Variants in NKAIN2 observed in about 807,000 individuals in gnomAD.
NKAIN2 encodes sodium/potassium-transporting ATPase subunit beta-1-interacting protein 2.
In NKAIN2, 14 loss-of-function variants were observed where a neutral mutation model predicts 32.6. The observed-to-expected ratio is 0.43, with a 90% CI of 0.28 to 0.67. NKAIN2 has a LOEUF of 0.67. NKAIN2 is among the 30% of genes least tolerant of loss of function. The probability of loss-of-function intolerance (pLI) is 0.17; values close to 1 mark genes in which losing one functional copy is unlikely to be tolerated. For missense variants in NKAIN2, 198 were observed against 258.3 expected (o/e 0.77, Z 1.60); for synonymous variants, 80 against 87.2 (o/e 0.92, Z 0.46).
intron 1 of NKAIN2, among the ~76,000 whole-genome samples, chr6:124,112,344 G>T (rs760959378): frequency 5.9e-5 from 9 of 152,088 alleles, no homozygotes; most frequent in Non-Finnish European, 1.0e-4. Context: ...ATTATTTGAT[G>T]ACAGTTTTAT....
chr6:124,736,974 G>A (rs1288800292), intron 4 of NKAIN2, among the ~76,000 whole-genome samples: 2 of 151,848 alleles, frequency 1.3e-5, no homozygotes, highest in African/African-American at 4.8e-5. Flanking sequence ...AAGGAGTTAG[G>A]CAAAGTAAAT....
intron 3 of NKAIN2, among the ~76,000 whole-genome samples, chr6:124,361,827 G>A (rs912583814): frequency 6.6e-6 from 1 of 152,024 alleles, no homozygotes; most frequent in Non-Finnish European, 1.5e-5. Context: ...CCAGATGCAA[G>A]TGCAATGTGG....
intron 3 of NKAIN2, among the ~76,000 whole-genome samples, chr6:124,545,383 C>T (rs1347140553): frequency 6.6e-6 from 1 of 152,052 alleles, no homozygotes; most frequent in East Asian, 1.9e-4. Flanking sequence ...TAAAGACAAG[C>T]CATAGATCAA....
intron 4 of NKAIN2, among the ~76,000 whole-genome samples, chr6:124,684,595 A>G (rs1773774150): frequency 6.6e-6 from 1 of 152,208 alleles, no homozygotes; most frequent in African/African-American, 2.4e-5. Flanking sequence ...ATAAAAACCC[A>G]TTAAAATCTG....
intron 3 of NKAIN2, among the ~76,000 whole-genome samples, chr6:124,569,507 C>A (rs920909699): frequency 6.6e-6 from 1 of 152,076 alleles, no homozygotes; most frequent in Non-Finnish European, 1.5e-5. Flanking sequence ...TGGGAGGGAC[C>A]CAGCGGGAGG....
chr6:124,699,302 C>T (rs1774651956), intron 4 of NKAIN2, among the ~76,000 whole-genome samples: 1 of 152,128 alleles, frequency 6.6e-6, no homozygotes, highest in African/African-American at 2.4e-5. Flanking sequence ...CCTGATGGCC[C>T]TGCCATATAC....
Position 124,346,401 on chromosome 6 carries a change from G to A in NKAIN2, c.193-8866G>A, listed in dbSNP as rs180883662. 2.2e-3 allele frequency among the ~76,000 whole-genome samples: 335 copies of A among 152,220 alleles called. 1 individual carries two copies. The highest frequency in any genetic ancestry group is 4.6e-3 in the African/African-American group (191 of 41,534). On this transcript the variant is annotated intron_variant, in intron 2 of 6. Coordinates refer to ENST00000368417, the MANE Select transcript of NKAIN2 (RefSeq NM_001040214.3). ...TCCTGGGTATCCCTGTCAACTTTCC[G>A]TCTCATTGATCTGTCTAATGTTGAC...
intron 5 of NKAIN2, among the ~76,000 whole-genome samples, chr6:124,796,669 T>C (rs1397051931): frequency 6.6e-6 from 1 of 152,158 alleles, no homozygotes; most frequent in Non-Finnish European, 1.5e-5. Context: ...GAGTAGCTTC[T>C]CACCAGGATA....
intron 1 of NKAIN2, among the ~76,000 whole-genome samples, chr6:124,104,879 T>G (rs115109910): frequency 0.011 from 1,641 of 152,254 alleles, 31 homozygotes; most frequent in African/African-American, 0.036. Flanking sequence ...GTAGCTAGTG[T>G]GTAGGTTTAG....
intron 3 of NKAIN2, among the ~76,000 whole-genome samples, chr6:124,384,726 A>G (rs1562145662): frequency 6.6e-6 from 1 of 152,102 alleles, no homozygotes; most frequent in African/African-American, 2.4e-5. Flanking sequence ...TCCTGGGTTC[A>G]AGCGATCCTT....
chr6:124,550,428 C>T (rs1007938346), intron 3 of NKAIN2, among the ~76,000 whole-genome samples: 9 of 151,692 alleles, frequency 5.9e-5, no homozygotes, highest in Non-Finnish European at 1.3e-4. Context: ...TCCTTACTTT[C>T]TGGCACCACA....
intron 1 of NKAIN2, among the ~76,000 whole-genome samples, chr6:124,260,871 T>C (rs914622840): frequency 6.6e-6 from 1 of 152,240 alleles, no homozygotes; most frequent in African/African-American, 2.4e-5. Context: ...TGCTGCAGTC[T>C]GAGAATTTTG....
At chr6:124,607,680 A>G (rs901840227) in intron 3 of NKAIN2, among the ~76,000 whole-genome samples, 3 of 152,004 alleles carry the variant, frequency 2.0e-5, no homozygotes, top group African/African-American at 4.8e-5. Flanking sequence ...ACATATATAT[A>G]TGTGTGTGTT....
At chr6:123,864,237 G>A (rs1037686089) in intron 1 of NKAIN2, among the ~76,000 whole-genome samples, 3 of 152,182 alleles carry the variant, frequency 2.0e-5, no homozygotes, top group Non-Finnish European at 4.4e-5. Context: ...TGATTCTAGT[G>A]TTGTGAGCTT....
chr6:124,454,969 G>A (rs1426481201), intron 3 of NKAIN2, among the ~76,000 whole-genome samples: 2 of 151,878 alleles, frequency 1.3e-5, no homozygotes, highest in Admixed American at 6.6e-5. Flanking sequence ...GCTATCAGAA[G>A]AAAAGAATGA....
intron 1 of NKAIN2, among the ~76,000 whole-genome samples, chr6:124,185,716 G>C (rs1789684502): frequency 6.6e-6 from 1 of 152,092 alleles, no homozygotes. Context: ...AGCTCTTAAT[G>C]ATAGCCCAGT....
At chr6:124,660,800 G>C (rs941958413) in intron 4 of NKAIN2, among the ~76,000 whole-genome samples, 1 of 152,158 alleles carries the variant, frequency 6.6e-6, no homozygotes, top group East Asian at 1.9e-4. Context: ...AGCCAGCTTT[G>C]GGTTGAATGT....
chr6:123,977,074 G>C (rs1281045250), intron 1 of NKAIN2, among the ~76,000 whole-genome samples: 2 of 152,186 alleles, frequency 1.3e-5, no homozygotes, highest in Admixed American at 1.3e-4. Flanking sequence ...TTGGGCTCAG[G>C]TGATCCTCCC....
chr6:124,085,149 T>C (rs1784136601), intron 1 of NKAIN2, among the ~76,000 whole-genome samples: 1 of 152,056 alleles, frequency 6.6e-6, no homozygotes, highest in African/African-American at 2.4e-5. Flanking sequence ...TTAAAATAGA[T>C]TTTGATTACA....
Sources: gnomAD v4.1 joint callset for allele counts (sites outside exome capture counted in the v4.1 genomes callset) on GRCh38, gnomAD v4.1.1 for gene constraint, MANE v1.5 for transcripts, NCBI Gene and HGNC (gene_info 2026-07-23, HGNC 2026-07-21) for gene names.